Variants in SUSD3 observed in about 807,000 individuals in gnomAD.
SUSD3 encodes the protein sushi domain-containing protein 3.
A neutral mutation model predicts 20.6 loss-of-function variants in SUSD3; 18 were observed. The observed-to-expected ratio is 0.87, with a 90% CI of 0.60 to 1.30. SUSD3 has a LOEUF of 1.30. SUSD3 is among the 50% of genes most tolerant of loss of function. The probability of loss-of-function intolerance (pLI) is 0.00; values close to 1 mark genes in which losing one functional copy is unlikely to be tolerated. For missense variants in SUSD3, 306 were observed against 346.9 expected (o/e 0.88, Z 0.94); for synonymous variants, 137 against 141.5 (o/e 0.97, Z 0.23).
chr9:93,075,736 G>GGGGCCC, intron 1 of SUSD3, 48 bp from the exon 2 acceptor site: 2 of 272,214 alleles, frequency 7.3e-6, no homozygotes, highest in Non-Finnish European at 1.2e-5. Context: ...TGCCCTGCGT[G>GGGGCCC]CCCACCCCCC....
intron 1 of SUSD3, 90 bp from the exon 2 acceptor site, chr9:93,075,694 C>T: frequency 1.1e-5 from 10 of 904,794 alleles, no homozygotes; most frequent in South Asian, 4.8e-5. Flanking sequence ...CAATGCTGTG[C>T]CAGCTCCTCA....
rs146881927 is a variant in SUSD3, at chr9:93,062,015, G to A, written c.88+3185G>A. On this transcript the variant is annotated intron_variant, in intron 1 of 4. Coordinates refer to ENST00000375472, the MANE Select transcript of SUSD3 (RefSeq NM_145006.4). ...AGGGAGGATGGAGGGGCCGACCTGA[G>A]GTCCAAGGTTCCAGATAAAAGATTA... Among the ~76,000 whole-genome samples the A allele has an allele frequency of 1.2e-4, 18 of 152,370 alleles. No individual in the cohort carries two copies. The East Asian group carries it at 3.1e-3, about 26-fold the overall frequency.
intron 1 of SUSD3, among the ~76,000 whole-genome samples, chr9:93,060,728 C>T (rs558832012): frequency 9.0e-4 from 137 of 152,150 alleles, no homozygotes; most frequent in African/African-American, 3.1e-3. Flanking sequence ...CCCAGCTATT[C>T]GGGAGGCTGA....
chr9:93,073,844 GTGTGTGTA>G (rs1235315701), intron 1 of SUSD3, among the ~76,000 whole-genome samples: 1 of 152,200 alleles, frequency 6.6e-6, no homozygotes, highest in African/African-American at 2.4e-5. Context: ...GTGTGTGTCT[GTGTGTGTA>G]TGAACGTGTG....
intron 1 of SUSD3, among the ~76,000 whole-genome samples, chr9:93,064,330 G>T (rs1485388151): frequency 1.3e-5 from 2 of 152,212 alleles, no homozygotes; most frequent in African/African-American, 2.4e-5. Flanking sequence ...ACAGGCGTGA[G>T]CCACCGCACC....
At chr9:93,074,593 T>C (rs796683204) in intron 1 of SUSD3, among the ~76,000 whole-genome samples, 1 of 149,946 alleles carries the variant, frequency 6.7e-6, no homozygotes, top group African/African-American at 2.5e-5. Context: ...GGCTTCCCCA[T>C]AGAGAAATCT....
In SUSD3 at chr9:93,058,789, G is replaced by A; in HGVS notation, c.47G>A (p.Gly16Glu). The A allele has an allele frequency of 8.0e-7, 1 of 1,242,326 alleles. No homozygotes were observed. Among genetic ancestry groups the A allele is most frequent in the Non-Finnish European group, 1.0e-6 (1 of 993,140 alleles). The allele number at this position is 1,242,326 out of a possible 1,614,324, so 77.0% of individuals were successfully genotyped here. The change falls in exon 1 of 5, where the codon GGG (glycine) becomes GAG (glutamate). Residue 16 changes from glycine to glutamate, a missense_variant. By Grantham distance (98) the Gly-to-Glu change is moderately conservative. Coordinates refer to ENST00000375472, the MANE Select transcript of SUSD3 (RefSeq NM_145006.4). ...ATLRGKARPR[G>E]RAGVTTPAPG... ...CTCCGTGGCAAGGCGAGGCCCCGGG[G>A]GCGGGCCGGGGTCACCACGCCTGCC... is the stretch of plus-strand genomic sequence containing the variant.
intron 1 of SUSD3, among the ~76,000 whole-genome samples, chr9:93,073,767 C>G (rs1826006743): frequency 6.6e-6 from 1 of 152,230 alleles, no homozygotes. Context: ...CAATGGAACA[C>G]TTCACTGCTG....
intron 4 of SUSD3, among the ~76,000 whole-genome samples, chr9:93,080,346 CT>C (rs1232190917): frequency 5.7e-5 from 8 of 140,498 alleles, no homozygotes; most frequent in East Asian, 4.3e-4. Context: ...AAAAACAAAA[CT>C]AACAGAAATC....
chr9:93,071,754 C>A (rs1182691207), intron 1 of SUSD3, among the ~76,000 whole-genome samples: 1 of 152,150 alleles, frequency 6.6e-6, no homozygotes, highest in Non-Finnish European at 1.5e-5. Flanking sequence ...GTGACTGCTC[C>A]CTGGAGGGCA....
chr9:93,083,931 G>A (rs925936278), intron 4 of SUSD3, among the ~76,000 whole-genome samples: 1 of 152,048 alleles, frequency 6.6e-6, no homozygotes, highest in Non-Finnish European at 1.5e-5. Context: ...AAGGGCTGGA[G>A]GTGGGAGCCG....
chr9:93,078,628 G>A (rs1192232689), intron 3 of SUSD3, among the ~76,000 whole-genome samples: 1 of 152,152 alleles, frequency 6.6e-6, no homozygotes, highest in East Asian at 1.9e-4. Context: ...CTGCAGGGCT[G>A]CCACACACGC....
intron 1 of SUSD3, among the ~76,000 whole-genome samples, chr9:93,070,171 T>C (rs1310128899): frequency 2.0e-5 from 3 of 152,238 alleles, no homozygotes; most frequent in Non-Finnish European, 1.5e-5. Flanking sequence ...GTAGAGAAGA[T>C]ACAAATCTCC....
chr9:93,079,682 C>T (rs768105070), intron 4 of SUSD3, 80 bp downstream of exon 4: 50 of 1,510,630 alleles, frequency 3.3e-5, no homozygotes, highest in Non-Finnish European at 4.4e-5. Flanking sequence ...CTGCTGCTCC[C>T]ACACGCTGAG....
intron 2 of SUSD3, 76 bp downstream of exon 2, chr9:93,076,048 G>A: frequency 7.4e-7 from 1 of 1,348,282 alleles, no homozygotes; most frequent in Non-Finnish European, 1.0e-6. Context: ...GATGGTGTGG[G>A]TGGGGATGGC....
chr9:93,072,735 C>T (rs139730859), intron 1 of SUSD3, among the ~76,000 whole-genome samples: 2 of 152,338 alleles, frequency 1.3e-5, no homozygotes, highest in Non-Finnish European at 2.9e-5. Context: ...TGGTATGCAG[C>T]CTACCGCAGA....
rs770599593 is a variant in SUSD3 at position 93,077,983 on chromosome 9, C to T, written c.415C>T (p.Arg139Cys). The stretch of plus-strand genomic sequence containing the variant: ...GTGCGTGAAGAAGAGCAAGCGGCGG[C>T]GCTCCAACAGGTACGGTGGCCTCAT... ...LKCVKKSKRR[R>C]SNRSAQLWSQ... Residue 139 changes from arginine (R) to cysteine (C), a missense_variant, in exon 3 of 5, where the codon CGC (arginine) becomes TGC (cysteine). Coordinates refer to ENST00000375472, the MANE Select transcript of SUSD3 (RefSeq NM_145006.4). 3.8e-5 allele frequency: 62 copies of T among 1,614,070 alleles called. No homozygotes were observed. The highest frequency in any genetic ancestry group is 3.2e-4 in the South Asian group (29 of 91,090).
rs1364608585 is a variant in SUSD3, at chr9:93,084,775, C to T, written c.*28C>T. On this transcript the variant is annotated 3_prime_UTR_variant, in exon 5 of 5. Transcript: ENST00000375472. The stretch of plus-strand genomic sequence containing the variant: ...ACGCAGTGAGGCTGGTGCCCATGCT[C>T]CACACTGGGAGGCCAGGCTGACCCC... The T allele has an allele frequency of 4.8e-6, 7 of 1,455,236 alleles. No homozygotes were observed. Among genetic ancestry groups the T allele is most frequent in the Non-Finnish European group, 6.3e-6 (7 of 1,105,024 alleles). The allele number at this position is 1,455,236 out of a possible 1,614,324, so 90.1% of individuals were successfully genotyped here.
intron 1 of SUSD3, among the ~76,000 whole-genome samples, chr9:93,067,463 G>A (rs1825759592): frequency 6.6e-6 from 1 of 152,208 alleles, no homozygotes; most frequent in Non-Finnish European, 1.5e-5. Flanking sequence ...ACTGGATCAT[G>A]TGGTAATTCT....
Sources: gnomAD v4.1 joint callset for allele counts (sites outside exome capture counted in the v4.1 genomes callset) on GRCh38, gnomAD v4.1.1 for gene constraint, MANE v1.5 for transcripts, NCBI Gene and HGNC (gene_info 2026-07-23, HGNC 2026-07-21) for gene names.